Variants in ATIC observed in about 807,000 individuals in gnomAD.
ATIC encodes bifunctional purine biosynthesis protein ATIC.
A neutral mutation model predicts 72.5 loss-of-function variants in ATIC; 64 were observed. The ratio of observed to expected loss-of-function variants is 0.88; its 90% CI spans 0.72 to 1.09. The LOEUF (loss-of-function observed/expected upper bound fraction) is 1.09, where lower values mean the gene tolerates loss of function less well. Ranked by LOEUF, ATIC falls within the 50% of genes least tolerant of loss-of-function variation. The probability of loss-of-function intolerance (pLI) is 0.00; values close to 1 mark genes in which losing one functional copy is unlikely to be tolerated. For missense variants in ATIC, 787 were observed against 732.4 expected (o/e 1.07, Z -0.86); for synonymous variants, 281 against 267.1 (o/e 1.05, Z -0.51).
At chr2:215,347,045 C>A in intron 14 of ATIC, 104 bp downstream of exon 14, 1 of 1,359,076 alleles carries the variant, frequency 7.4e-7, no homozygotes, top group African/African-American at 1.4e-5. Context: ...AAGATACTTT[C>A]ATTGAAATTC....
In ATIC at chr2:215,322,086, A is replaced by G. The variant is rs564981701; in HGVS notation, c.290+2355A>G. Among the ~76,000 whole-genome samples the G allele has an allele frequency of 2.3e-4, 34 of 147,506 alleles. No homozygotes were observed. In the South Asian group the frequency reaches 6.4e-3, roughly 28 times the overall value. On this transcript the variant is annotated intron_variant, in intron 4 of 15. Transcript: ENST00000236959. The stretch of plus-strand genomic sequence containing the variant: ...TGGCTAATTTTTTTGGATTTTTAAT[A>G]GAGATAGGGTTTCACTATGTTGGCC...
chr2:215,352,339 TG>T (rs2053136561), downstream of ATIC, among the ~76,000 whole-genome samples: 1 of 152,190 alleles, frequency 6.6e-6, no homozygotes, highest in Non-Finnish European at 1.5e-5. Context: ...CCCAGCACTT[TG>T]GGAGGCCGAG....
intron 12 of ATIC, among the ~76,000 whole-genome samples, chr2:215,342,610 T>C (rs1421955558): frequency 6.6e-6 from 1 of 152,200 alleles, no homozygotes; most frequent in Non-Finnish European, 1.5e-5. Context: ...ACCACAAATC[T>C]GTTTTTCCTT....
chr2:215,326,926 A>G lies in ATIC; in HGVS notation c.636A>G (p.Pro212=). 2 of 1,614,196 alleles carry G rather than the reference A, an allele frequency of 1.2e-6. No individual in the cohort carries two copies. The highest frequency in any genetic ancestry group is 2.2e-5 in the South Asian group (2 of 91,080). ...TGCCCTTGAGATATGGAATGAACCCACATCAGACCCCTGCCCAGCTGTACA... is the reference window on the plus strand; with the variant it reads ...TGCCCTTGAGATATGGAATGAACCCGCATCAGACCCCTGCCCAGCTGTACA... The part of the protein sequence containing the change: ...SQMPLRYGMN[P]HQTPAQLYTL... Residue 212 remains proline (P), a synonymous_variant, in exon 7 of 16, where the codon CCA becomes CCG. Coordinates refer to ENST00000236959, the MANE Select transcript of ATIC (RefSeq NM_004044.7).
intron 4 of ATIC, among the ~76,000 whole-genome samples, chr2:215,322,599 TG>T (rs1239685866): frequency 1.3e-5 from 2 of 152,282 alleles, no homozygotes; most frequent in African/African-American, 4.8e-5. Flanking sequence ...CCCAAAGTGC[TG>T]GGATTACAAG....
At chr2:215,341,723 G>A (rs998027141) in intron 12 of ATIC, among the ~76,000 whole-genome samples, 2 of 152,022 alleles carry the variant, frequency 1.3e-5, no homozygotes, top group African/African-American at 4.8e-5. Context: ...TGCTTTAATT[G>A]TGTTAACTAT....
chr2:215,312,278 C>T lies in ATIC; in HGVS notation c.19+117C>T, dbSNP rs548170152. 4 of 1,441,588 alleles carry T rather than the reference C, an allele frequency of 2.8e-6. No individual in the cohort carries two copies. The East Asian group carries it at 1.0e-4, about 36-fold the overall frequency. 89.3% of individuals were successfully genotyped at this position (1,441,588 alleles called of 1,614,324 possible). A position where few individuals can be genotyped will look rare whatever the true frequency, so the allele number is the denominator to read the frequency against. ...AGGGGCGGCGCTGCGGGATTGAAAG[C>T]CAGCGTCCCCGCTCCCCGGCCGGGC... On this transcript the variant is annotated intron_variant, in intron 1 of 15. Transcript: ENST00000236959.
chr2:215,331,105 G>T (rs937717723), intron 7 of ATIC, among the ~76,000 whole-genome samples: 5 of 152,114 alleles, frequency 3.3e-5, no homozygotes, highest in African/African-American at 1.2e-4. Context: ...ATAATCATTT[G>T]TGTGCAAGTT....
chr2:215,350,143 T>C (rs1242953303), downstream of ATIC, among the ~76,000 whole-genome samples: 2 of 152,192 alleles, frequency 1.3e-5, no homozygotes, highest in Non-Finnish European at 2.9e-5. Context: ...TAATTTGTTA[T>C]TTTGAGAGGG....
Position 215,336,106 on chromosome 2 carries a change from A to G in ATIC, c.1080A>G (p.Gly360=), listed in dbSNP as rs767106997. 66 of 1,612,366 alleles carry G rather than the reference A, an allele frequency of 4.1e-5. No homozygotes were observed. Among genetic ancestry groups the G allele is most frequent in the South Asian group, 7.7e-5 (7 of 90,938 alleles). The stretch of plus-strand genomic sequence containing the variant: ...CAATACTTTCCAAAAAGAAAAATGG[A>G]AACTATTGTGTCCTTCAGGTGAGTG... The part of the protein sequence containing the change: ...ALTILSKKKN[G]NYCVLQMDQS... Residue 360 remains glycine, a synonymous_variant, in exon 11 of 16, where the codon GGA becomes GGG. Transcript: ENST00000236959.
intron 6 of ATIC, 59 bp from the exon 7 acceptor site, chr2:215,326,763 A>T (rs1335230492): frequency 6.2e-7 from 1 of 1,606,654 alleles, no homozygotes; most frequent in East Asian, 2.2e-5. Context: ...GTAGAAAACC[A>T]TCTTGTCCCC....
chr2:215,361,492 C>T, the ATIC span: 1 of 1,161,616 alleles, frequency 8.6e-7, no homozygotes, highest in Non-Finnish European at 1.3e-6. Flanking sequence ...CTGCTAACAT[C>T]ACTCCAGTTT....
chr2:215,343,460 C>T (rs983655734), intron 12 of ATIC, among the ~76,000 whole-genome samples: 6 of 152,078 alleles, frequency 3.9e-5, no homozygotes, highest in Non-Finnish European at 8.8e-5. Flanking sequence ...TCTCAGCTTC[C>T]CAAGTAGCTG....
At chr2:215,355,943 G>A in the ATIC span, among the ~76,000 whole-genome samples, 7 of 152,190 alleles carry the variant, frequency 4.6e-5, no homozygotes, top group East Asian at 1.2e-3. Flanking sequence ...CTGTAAAATG[G>A]GGATGGATTC....
Position 215,331,380 on chromosome 2 carries a change from G to GGTT in ATIC, c.689-1001_689-999dup, listed in dbSNP as rs778297558. On this transcript the variant is annotated intron_variant, in intron 7 of 15. Transcript: ENST00000236959. Reference sequence around the variant, plus strand: ...TGAAATTACACATTTTTGTTTTTTGGGTTTTTTTTTTTTTTTTTTGAGACG... The same window carrying GGTT: ...TGAAATTACACATTTTTGTTTTTTGGGTTGTTTTTTTTTTTTTTTTTTGAGACG... 1.4e-3 allele frequency among the ~76,000 whole-genome samples: 134 copies of GGTT among 93,072 alleles called. 3 individuals carry two copies. The highest frequency in any genetic ancestry group is 7.4e-3 in the East Asian group (16 of 2,152). The allele number at this position is 93,072 out of a possible 152,430, so 61.1% of individuals were successfully genotyped here. A position where few individuals can be genotyped will look rare whatever the true frequency, so the allele number is the denominator to read the frequency against.
At chr2:215,327,929 G>T (rs1195726758) in intron 7 of ATIC, among the ~76,000 whole-genome samples, 1 of 148,670 alleles carries the variant, frequency 6.7e-6, no homozygotes, top group Non-Finnish European at 1.5e-5. Flanking sequence ...ACGGAGTCTC[G>T]CTCTGTCACC....
At chr2:215,359,593 A>C in the ATIC span, among the ~76,000 whole-genome samples, 2 of 152,204 alleles carry the variant, frequency 1.3e-5, no homozygotes, top group African/African-American at 4.8e-5. Flanking sequence ...ATAGAAGTCC[A>C]GGGGCTGGGT....
At chr2:215,320,966 C>CT (rs926003664) in intron 4 of ATIC, among the ~76,000 whole-genome samples, 1 of 152,164 alleles carries the variant, frequency 6.6e-6, no homozygotes, top group Admixed American at 6.5e-5. Context: ...CATAAGGGAT[C>CT]TCCCCCGTGA....
At position 215,328,905 on chromosome 2, in the gene ATIC, T is replaced by G. The variant is rs536911654; in HGVS notation, c.688+1927T>G. 2.7e-3 allele frequency among the ~76,000 whole-genome samples: 407 copies of G among 152,066 alleles called. 2 individuals are homozygous for G. The highest frequency in any genetic ancestry group is 9.3e-3 in the African/African-American group (387 of 41,492). ...GCTAATTTTGTATTTTTAGTAGAGA[T>G]AGGGTTTCACCACGTTGGCCAGGCT... On this transcript the variant is annotated intron_variant, in intron 7 of 15. Transcript: ENST00000236959.
Sources: allele counts gnomAD v4.1 joint callset (sites outside exome capture counted in the v4.1 genomes callset), GRCh38; gene constraint gnomAD v4.1.1; transcripts MANE v1.5; gene names NCBI Gene and HGNC (gene_info 2026-07-23, HGNC 2026-07-21).